The following SESN3 variants were observed in gnomAD, a reference collection of about 807,000 sequenced individuals.
SESN3 encodes the protein sestrin 3.
In SESN3, 21 loss-of-function variants were observed where a neutral mutation model predicts 55.3. That is an observed-to-expected ratio of 0.38 (90% confidence interval 0.27 to 0.55). The LOEUF (loss-of-function observed/expected upper bound fraction) is 0.55. Ranked by LOEUF, SESN3 falls within the 20% of genes least tolerant of loss-of-function variation. The pLI, the probability that SESN3 is intolerant of heterozygous loss-of-function variation, is 0.76. For synonymous variants in SESN3, 181 were observed against 203.1 expected (o/e 0.89, Z 0.93); for missense variants, 408 against 604.3 (o/e 0.68, Z 3.41).
At chr11:95,197,189 G>A (rs1336725968) in intron 1 of SESN3, among the ~76,000 whole-genome samples, 1 of 152,108 alleles carries the variant, frequency 6.6e-6, no homozygotes, top group Non-Finnish European at 1.5e-5. Flanking sequence ...CTATATGCAT[G>A]ATGTTGTACA....
intron 1 of SESN3, among the ~76,000 whole-genome samples, chr11:95,204,347 T>C (rs1204399498): frequency 6.6e-6 from 1 of 152,168 alleles, no homozygotes; most frequent in Non-Finnish European, 1.5e-5. Flanking sequence ...TTGTAATTTA[T>C]AATACAAGTT....
intron 1 of SESN3, among the ~76,000 whole-genome samples, chr11:95,196,652 T>C (rs1014869319): frequency 6.6e-6 from 1 of 152,160 alleles, no homozygotes; most frequent in Non-Finnish European, 1.5e-5. Context: ...TTTAAATGAA[T>C]TAAAATTAAA....
chr11:95,197,646 T>C (rs1187025474), intron 1 of SESN3, among the ~76,000 whole-genome samples: 1 of 152,144 alleles, frequency 6.6e-6, no homozygotes, highest in Non-Finnish European at 1.5e-5. Context: ...GTTTCCTAGA[T>C]GTTCCTTGCA....
chr11:95,178,923 C>T, intron 6 of SESN3, 95 bp from the exon 7 acceptor site: 1 of 671,700 alleles, frequency 1.5e-6, no homozygotes, highest in Non-Finnish European at 2.6e-6. Context: ...TTAGCTTTTC[C>T]ATGGATTTCT....
In SESN3 at chr11:95,167,607, T is replaced by G. The variant is rs1285493208; in HGVS notation, c.*5648A>C. The stretch of plus-strand genomic sequence containing the variant: ...AGTCTCCATTATTAAGTCTCATTTC[T>G]TAACTAGGATGTCAATTCATTCCTG... On this transcript the variant is annotated 3_prime_UTR_variant, in exon 10 of 10. Transcript: ENST00000536441. 1 of 152,202 alleles carries G rather than the reference T, an allele frequency of 6.6e-6. No homozygotes were observed. Among genetic ancestry groups the G allele is most frequent in the Non-Finnish European group, 1.5e-5 (1 of 68,030 alleles). 9.4% of individuals were successfully genotyped at this position (152,202 alleles called of 1,614,324 possible). A position where few individuals can be genotyped will look rare whatever the true frequency, so the allele number is the denominator to read the frequency against.
At position 95,182,628 on chromosome 11, in the gene SESN3, A is replaced by G. The variant is rs116356349; in HGVS notation, c.937+1792T>C. On this transcript the variant is annotated intron_variant, in intron 6 of 9. Coordinates refer to ENST00000536441, the MANE Select transcript of SESN3 (RefSeq NM_144665.4). ...GACTCATGAACACTGAAGTTTGAGA[A>G]GTGCTGTGCAAGACATTTCCAGACT... Among the ~76,000 whole-genome samples the G allele has an allele frequency of 1.8e-3, 268 of 152,332 alleles. 2 individuals are homozygous for G. The highest frequency in any genetic ancestry group is 6.3e-3 in the African/African-American group (263 of 41,578).
rs192149746 is a variant in SESN3, at chr11:95,217,713, T to C, written c.78+13070A>G. On this transcript the variant is annotated intron_variant, in intron 1 of 9. Transcript: ENST00000536441. ...TTTCAAAGGAAGAATTCTGACTGAATAGGGCTTGAATCTTGCACACTGCAC... is the reference window on the plus strand; with the variant it reads ...TTTCAAAGGAAGAATTCTGACTGAACAGGGCTTGAATCTTGCACACTGCAC... 2.0e-5 allele frequency among the ~76,000 whole-genome samples: 3 copies of C among 151,266 alleles called. No homozygotes were observed. The East Asian group carries it at 5.9e-4, about 30-fold the overall frequency.
intron 1 of SESN3, among the ~76,000 whole-genome samples, chr11:95,198,942 T>A (rs189625836): frequency 1.3e-5 from 2 of 152,130 alleles, no homozygotes; most frequent in Non-Finnish European, 2.9e-5. Flanking sequence ...AGTACTTTCA[T>A]AGAAATAAAA....
intron 1 of SESN3, among the ~76,000 whole-genome samples, chr11:95,209,039 G>A (rs1860601017): frequency 6.6e-6 from 1 of 151,458 alleles, no homozygotes; most frequent in Admixed American, 6.6e-5. Flanking sequence ...AACACCAAAA[G>A]CAATGGCAAC....
At chr11:95,187,244 C>G (rs1386628454) in intron 4 of SESN3, among the ~76,000 whole-genome samples, 1 of 151,738 alleles carries the variant, frequency 6.6e-6, no homozygotes, top group East Asian at 1.9e-4. Flanking sequence ...ATTTTTAGAA[C>G]AAAGTGTATT....
chr11:95,177,403 C>A (rs961975970), intron 8 of SESN3, among the ~76,000 whole-genome samples: 5 of 152,092 alleles, frequency 3.3e-5, no homozygotes, highest in African/African-American at 1.2e-4. Flanking sequence ...GGACACTACA[C>A]CTGTTTTTTT....
At chr11:95,215,531 A>T (rs1337375522) in intron 1 of SESN3, among the ~76,000 whole-genome samples, 1 of 152,146 alleles carries the variant, frequency 6.6e-6, no homozygotes, top group East Asian at 1.9e-4. Flanking sequence ...GATTCCTAAA[A>T]ATTGTTATCT....
At position 95,230,211 on chromosome 11, in the gene SESN3, A is replaced by T. The variant is rs1861028675; in HGVS notation, c.78+572T>A. The T allele has an allele frequency of 6.6e-6, 1 of 152,586 alleles. No individual in the cohort carries two copies. Among genetic ancestry groups the T allele is most frequent in the Admixed American group, 6.5e-5 (1 of 15,298 alleles). The allele number at this position is 152,586 out of a possible 1,614,324, so 9.5% of individuals were successfully genotyped here. A position where few individuals can be genotyped will look rare whatever the true frequency, so the allele number is the denominator to read the frequency against. On this transcript the variant is annotated intron_variant, in intron 1 of 9. Transcript: ENST00000536441. The surrounding 1 kb of genome is among the most constrained non-coding windows in gnomAD (Gnocchi z 4.6). ...ATTTCCCATGGGCATAAAGTTCAAG[A>T]TGCTTTACTGGTTCCTTTCGAGACT...
Position 95,184,529 on chromosome 11 carries a change from C to T in SESN3, c.828G>A (p.Arg276=). The change falls in exon 6 of 10, where the codon AGG becomes AGA. Residue 276 remains arginine (R), a synonymous_variant. Transcript: ENST00000536441. ...MERMKRLQEE[R]EDEEASQEEM... is the part of the protein sequence containing the mutation. ...CTTCTTGAGACGCCTCTTCATCTTCCCTTTCTTCTTGAAGTCTTTTCATCC... is the reference window on the plus strand; with the variant it reads ...CTTCTTGAGACGCCTCTTCATCTTCTCTTTCTTCTTGAAGTCTTTTCATCC... 1 of 1,613,488 alleles carries T rather than the reference C, an allele frequency of 6.2e-7. No homozygotes were observed. Among genetic ancestry groups the T allele is most frequent in the Non-Finnish European group, 8.5e-7 (1 of 1,179,646 alleles).
intron 1 of SESN3, among the ~76,000 whole-genome samples, chr11:95,207,971 G>A (rs1456710384): frequency 2.0e-5 from 3 of 151,138 alleles, no homozygotes; most frequent in Non-Finnish European, 3.0e-5. Flanking sequence ...ACCACACCCA[G>A]CTAATTTATG....
intron 1 of SESN3, among the ~76,000 whole-genome samples, chr11:95,219,415 A>G (rs1009057803): frequency 1.3e-5 from 2 of 152,194 alleles, no homozygotes; most frequent in Admixed American, 1.3e-4. Context: ...TACATATTAA[A>G]TGTCTAATTT....
rs146140453 is a variant in SESN3, at chr11:95,214,227, C to T, written c.78+16556G>A. ...TAAGTAATTACATATGCTTCTGGGGCAGCCCATGCGTAAGGAACTTTGGAA... is the reference window on the plus strand; with the variant it reads ...TAAGTAATTACATATGCTTCTGGGGTAGCCCATGCGTAAGGAACTTTGGAA... On this transcript the variant is annotated intron_variant, in intron 1 of 9. Coordinates refer to ENST00000536441, the MANE Select transcript of SESN3 (RefSeq NM_144665.4). 2.9e-3 allele frequency among the ~76,000 whole-genome samples: 442 copies of T among 152,264 alleles called. 4 individuals carry two copies. Among genetic ancestry groups the T allele is most frequent in the African/African-American group, 9.8e-3 (408 of 41,556 alleles).
chr11:95,182,527 G>A (rs1231391525), intron 6 of SESN3, among the ~76,000 whole-genome samples: 2 of 152,288 alleles, frequency 1.3e-5, no homozygotes, highest in South Asian at 4.1e-4. Flanking sequence ...TTGGAGGCTT[G>A]ATAGAAATGT....
chr11:95,192,618 C>T lies in SESN3; in HGVS notation c.144+839G>A, dbSNP rs546085952. The stretch of plus-strand genomic sequence containing the variant: ...ACTGTTTACTCTTCAGAGCTGGCTT[C>T]GCAGTCTGAAAAATAAGTACACATT... On this transcript the variant is annotated intron_variant, in intron 2 of 9. Coordinates refer to ENST00000536441, the MANE Select transcript of SESN3 (RefSeq NM_144665.4). Among the ~76,000 whole-genome samples, 6 of 152,144 alleles carry T rather than the reference C, an allele frequency of 3.9e-5. No homozygotes were observed. In the East Asian group the frequency reaches 5.8e-4, roughly 15 times the overall value.
Sources: gnomAD v4.1 joint callset for allele counts (sites outside exome capture counted in the v4.1 genomes callset) on GRCh38, gnomAD v4.1.1 for gene constraint, Gnocchi (gnomAD v3.1) non-coding constraint, MANE v1.5 for transcripts, NCBI Gene and HGNC (gene_info 2026-07-23, HGNC 2026-07-21) for gene names.